Variants in TRIM71 observed in about 807,000 individuals in gnomAD.
The protein encoded by TRIM71 is tripartite motif containing 71, also known as E3 ubiquitin-protein ligase TRIM71.
A neutral mutation model predicts 61.2 loss-of-function variants in TRIM71; 9 were observed. That is an observed-to-expected ratio of 0.15 (90% CI 0.09 to 0.26). The LOEUF is 0.26. Ranked by LOEUF, TRIM71 falls within the 10% of genes least tolerant of loss-of-function variation. The pLI, the probability that TRIM71 is intolerant of heterozygous loss-of-function variation, is 1.00. For missense variants in TRIM71, 998 were observed against 1,238.7 expected (o/e 0.81, Z 2.92); for synonymous variants, 645 against 553.2 (o/e 1.17, Z -2.33).
chr3:32,830,469 A>G (rs1357505447), intron 1 of TRIM71, among the ~76,000 whole-genome samples: 1 of 152,148 alleles, frequency 6.6e-6, no homozygotes, highest in Non-Finnish European at 1.5e-5. Context: ...ATCTCACAGT[A>G]TCAGGGTGAG....
chr3:32,843,617 G>A, intron 1 of TRIM71, among the ~76,000 whole-genome samples: 1 of 152,150 alleles, frequency 6.6e-6, no homozygotes. Flanking sequence ...CTCCCATTCT[G>A]CAGGGTTTTA....
rs1697056429 is a variant in TRIM71 at position 32,894,223 on chromosome 3, A to G, written c.*2412A>G. The G allele has an allele frequency of 6.6e-6, 1 of 152,154 alleles. No individual in the cohort carries two copies. The highest frequency in any genetic ancestry group is 1.5e-5 in the Non-Finnish European group (1 of 68,024). 9.4% of individuals were successfully genotyped at this position (152,154 alleles called of 1,614,324 possible). ...AACTGGTTTTAAATGCTTGAAAAAA[A>G]TTTTATTGAGGAGATGGATCTTGAT... On this transcript the variant is annotated 3_prime_UTR_variant, in exon 4 of 4. Transcript: ENST00000383763.
intron 1 of TRIM71, among the ~76,000 whole-genome samples, chr3:32,857,995 G>A (rs1022240331): frequency 1.3e-5 from 2 of 150,452 alleles, no homozygotes; most frequent in African/African-American, 2.5e-5. Context: ...GACACAAAAA[G>A]AAGAAGAAAA....
chr3:32,848,316 C>G (rs955610305), intron 1 of TRIM71, among the ~76,000 whole-genome samples: 5 of 152,048 alleles, frequency 3.3e-5, no homozygotes, highest in African/African-American at 1.2e-4. Context: ...TTCTTTCTGC[C>G]CTCTTAGTTC....
intron 1 of TRIM71, among the ~76,000 whole-genome samples, chr3:32,861,387 C>T (rs573335376): frequency 1.3e-5 from 2 of 150,516 alleles, no homozygotes; most frequent in African/African-American, 4.8e-5. Context: ...CTACCTTGGC[C>T]TCCCAAAGTG....
intron 2 of TRIM71, among the ~76,000 whole-genome samples, chr3:32,884,395 C>CTA (rs1696938741): frequency 6.6e-6 from 1 of 151,986 alleles, no homozygotes; most frequent in African/African-American, 2.4e-5. Flanking sequence ...ATGATGCCAT[C>CTA]TATATGAAAT....
At chr3:32,819,241 A>T (rs1463298613) in intron 1 of TRIM71, among the ~76,000 whole-genome samples, 2 of 113,124 alleles carry the variant, frequency 1.8e-5, no homozygotes, top group Admixed American at 2.0e-4. Flanking sequence ...TTGGGAGGAG[A>T]TAGGTGTGTG....
intron 2 of TRIM71, among the ~76,000 whole-genome samples, chr3:32,881,296 G>A (rs1028706751): frequency 6.6e-6 from 1 of 152,164 alleles, no homozygotes; most frequent in African/African-American, 2.4e-5. Flanking sequence ...TGGGATTACA[G>A]GCATGAGCCA....
chr3:32,858,540 G>A (rs1248124297), intron 1 of TRIM71, among the ~76,000 whole-genome samples: 1 of 152,198 alleles, frequency 6.6e-6, no homozygotes, highest in Admixed American at 6.5e-5. Flanking sequence ...TGGAGTTGGA[G>A]GCCCAGGAGG....
chr3:32,818,308 GGCGGCGGGCGGCGGC>G lies in TRIM71; in HGVS notation c.237_251del (p.Gly80_Gly84del), dbSNP rs1396245436. The G allele has an allele frequency of 4.4e-5, 63 of 1,433,610 alleles. No homozygotes were observed. Among genetic ancestry groups the G allele is most frequent in the Non-Finnish European group, 5.3e-5 (58 of 1,098,956 alleles). 88.8% of individuals were successfully genotyped at this position (1,433,610 alleles called of 1,614,324 possible). A position where few individuals can be genotyped will look rare whatever the true frequency, so the allele number is the denominator to read the frequency against. On this transcript the variant is annotated inframe_deletion, in exon 1 of 4. Transcript: ENST00000383763. Reference sequence around the variant, plus strand: ...CCTGCCTCGAGGCGCACCGGCTGCCGGCGGCGGGCGGCGGCGCGGCGGGAGAGCCGCTCAAGCTGC... The same window carrying G: ...CCTGCCTCGAGGCGCACCGGCTGCCGGCGGCGGGAGAGCCGCTCAAGCTGC...
chr3:32,891,909 A>G lies in TRIM71; in HGVS notation c.*98A>G. The stretch of plus-strand genomic sequence containing the variant: ...CTCTCTTTTTGAATTTCAAAGAAGA[A>G]ACAGTCTCAGGGAAATTTCTTTTTT... On this transcript the variant is annotated 3_prime_UTR_variant, in exon 4 of 4. Coordinates refer to ENST00000383763, the MANE Select transcript of TRIM71 (RefSeq NM_001039111.3). The surrounding 1 kb of genome is among the most constrained non-coding windows in gnomAD (Gnocchi z 8.2). The G allele has an allele frequency of 2.7e-6, 4 of 1,488,634 alleles. No homozygotes were observed. The highest frequency in any genetic ancestry group is 2.7e-6 in the Non-Finnish European group (3 of 1,125,450). 92.2% of individuals were successfully genotyped at this position (1,488,634 alleles called of 1,614,324 possible). A position where few individuals can be genotyped will look rare whatever the true frequency, so the allele number is the denominator to read the frequency against.
chr3:32,890,778 C>G lies in TRIM71; in HGVS notation c.1574C>G (p.Ser525Trp). The change falls in exon 4 of 4, where the codon TCG becomes TGG. Residue 525 changes from serine (S) to tryptophan (W), a missense_variant. By Grantham distance (177) the Ser-to-Trp change is radical. This residue lies in a region of TRIM71 where 291 missense variants were observed against 431.2 expected (regional missense o/e 0.67). Transcript: ENST00000383763. This position sits in a 1 kb window ranked among gnomAD's most constrained non-coding sequence, Gnocchi z 6.2. The stretch of plus-strand genomic sequence containing the variant: ...CGCCTCTCAGGAGGCGACCTGATGT[C>G]GGCTGTGGTCCTGGGCCCTGATGGC... Reference protein sequence around the residue: ...EPRLSGGDLMSAVVLGPDGNL... With the variant: ...EPRLSGGDLMWAVVLGPDGNL... 1 of 1,614,158 alleles carries G rather than the reference C, an allele frequency of 6.2e-7. No homozygotes were observed.
chr3:32,888,563 G>A (rs1000217693), intron 3 of TRIM71, among the ~76,000 whole-genome samples: 1 of 151,506 alleles, frequency 6.6e-6, no homozygotes, highest in Non-Finnish European at 1.5e-5. Flanking sequence ...GTTTTGAGAC[G>A]GAGTTTCGCT....
intron 1 of TRIM71, among the ~76,000 whole-genome samples, chr3:32,824,071 CAAAAA>C (rs1238296205): frequency 6.6e-6 from 1 of 150,440 alleles, no homozygotes; most frequent in African/African-American, 2.4e-5. Flanking sequence ...AGACTTGTCT[CAAAAA>C]AAGAAAAAAA....
At chr3:32,827,510 C>T (rs1188507093) in intron 1 of TRIM71, among the ~76,000 whole-genome samples, 1 of 152,098 alleles carries the variant, frequency 6.6e-6, no homozygotes, top group African/African-American at 2.4e-5. Context: ...GATCTGCCGC[C>T]TCAGCCTCCC....
At chr3:32,820,372 A>C (rs1461155250) in intron 1 of TRIM71, among the ~76,000 whole-genome samples, 1 of 152,210 alleles carries the variant, frequency 6.6e-6, no homozygotes, top group Non-Finnish European at 1.5e-5. Flanking sequence ...TCCTTTTAAA[A>C]GGTTTCTTCT....
At chr3:32,865,784 GCCCGCCGGCCCCCCCCC>G (rs1367013829) in intron 1 of TRIM71, among the ~76,000 whole-genome samples, 1 of 9,044 alleles carries the variant, frequency 1.1e-4, no homozygotes, top group East Asian at 4.1e-3. Context: ...TTAATTTGCC[GCCCGCCGGCCCCCCCCC>G]CCCCCCGCCC....
At chr3:32,833,667 TTTA>T (rs1409109445) in intron 1 of TRIM71, among the ~76,000 whole-genome samples, 2 of 150,988 alleles carry the variant, frequency 1.3e-5, no homozygotes, top group African/African-American at 4.9e-5. Context: ...TATTTATTTA[TTTA>T]TTTATTTTAT....
intron 1 of TRIM71, among the ~76,000 whole-genome samples, chr3:32,827,024 A>T (rs1696211145): frequency 6.6e-6 from 1 of 152,064 alleles, no homozygotes. Flanking sequence ...TCGGCCTCCC[A>T]AAGTGCTGGT....
Sources: allele counts gnomAD v4.1 joint callset (sites outside exome capture counted in the v4.1 genomes callset), GRCh38; gene constraint gnomAD v4.1.1; regional missense constraint gnomAD v4.1.1; non-coding constraint Gnocchi (gnomAD v3.1); transcripts MANE v1.5; gene names NCBI Gene and HGNC (gene_info 2026-07-23, HGNC 2026-07-21).